The following PRPF6 variants were observed in gnomAD, a reference collection of about 807,000 sequenced individuals.
The protein encoded by PRPF6 is pre-mRNA-processing factor 6.
PRPF6 carries 42 observed loss-of-function variants against 118.3 expected under a neutral mutation model. That is an observed-to-expected ratio of 0.35 (90% confidence interval 0.28 to 0.46). PRPF6 has a LOEUF of 0.46. Among genes scored for constraint, PRPF6 ranks in the 20% least tolerant of loss-of-function variants. The probability of loss-of-function intolerance (pLI) is 1.00; values close to 1 mark genes in which losing one functional copy is unlikely to be tolerated. For missense variants in PRPF6, 662 were observed against 1,255.7 expected, an observed-to-expected ratio of 0.53 and a Z score of 7.15; for synonymous variants, 481 against 485.1, an observed-to-expected ratio of 0.99 and a Z score of 0.11.
intron 3 of PRPF6, among the ~76,000 whole-genome samples, chr20:63,993,006 A>G (rs962077624): frequency 2.6e-5 from 4 of 152,042 alleles, no homozygotes; most frequent in African/African-American, 9.7e-5. Flanking sequence ...TCACAAGGTC[A>G]GGAGTTCGAG....
In PRPF6 at chr20:64,011,597, T is replaced by TGG; in HGVS notation, c.1524+97_1524+98dup. ...AGGACTGGGGGTTGCTGGATGGTACTGGGGAGTCCTGTGCCAAACCAGAAG... is the reference window on the plus strand; with the variant it reads ...AGGACTGGGGGTTGCTGGATGGTACTGGGGGGAGTCCTGTGCCAAACCAGAAG... On this transcript the variant is annotated intron_variant, in intron 11 of 20. Coordinates refer to ENST00000266079, the MANE Select transcript of PRPF6 (RefSeq NM_012469.4). The surrounding 1 kb of genome is among the most constrained non-coding windows in gnomAD (Gnocchi z 6.7). 7.3e-7 allele frequency: 1 copy of TGG among 1,378,834 alleles called. No individual in the cohort carries two copies. Among genetic ancestry groups the TGG allele is most frequent in the Non-Finnish European group, 1.0e-6 (1 of 1,001,800 alleles). The allele number at this position is 1,378,834 out of a possible 1,614,324, so 85.4% of individuals were successfully genotyped here.
At chr20:63,995,935 G>C (rs1392031353) in intron 6 of PRPF6, among the ~76,000 whole-genome samples, 1 of 152,030 alleles carries the variant, frequency 6.6e-6, no homozygotes, top group South Asian at 2.1e-4. Context: ...GGGATTACAG[G>C]TGTGAGCCAC....
Position 64,028,683 on chromosome 20 carries a change from C to T in PRPF6, c.2431+114C>T, listed in dbSNP as rs1357407370. The stretch of plus-strand genomic sequence containing the variant: ...CCCAGACTCCGCAGGGCTGGCACTT[C>T]CTGAGGGAGTGGGGGCTCAGGCTTC... On this transcript the variant is annotated intron_variant, in intron 18 of 20. Transcript: ENST00000266079. This position sits in a 1 kb window ranked among gnomAD's most constrained non-coding sequence, Gnocchi z 6.5. 1 of 1,138,240 alleles carries T rather than the reference C, an allele frequency of 8.8e-7. No individual in the cohort carries two copies. Among genetic ancestry groups the T allele is most frequent in the Non-Finnish European group, 1.3e-6 (1 of 783,788 alleles). 70.5% of individuals were successfully genotyped at this position (1,138,240 alleles called of 1,614,324 possible). A position where few individuals can be genotyped will look rare whatever the true frequency, so the allele number is the denominator to read the frequency against.
At position 64,026,141 on chromosome 20, in the gene PRPF6, G is replaced by C; in HGVS notation, c.2028+83G>C. On this transcript the variant is annotated intron_variant, in intron 15 of 20. Transcript: ENST00000266079. This position sits in a 1 kb window ranked among gnomAD's most constrained non-coding sequence, Gnocchi z 4.4. ...CCCACGCCTGGCTTGGGTGGTGATG[G>C]GAGTGAGATGACGGCAGGCAAACGA... The C allele has an allele frequency of 1.9e-6, 3 of 1,583,770 alleles. No individual in the cohort carries two copies. Among genetic ancestry groups the C allele is most frequent in the Non-Finnish European group, 2.6e-6 (3 of 1,172,154 alleles).
intron 2 of PRPF6, 114 bp from the exon 3 acceptor site, chr20:63,984,793 C>A: frequency 1.3e-6 from 1 of 778,404 alleles, no homozygotes; most frequent in Non-Finnish European, 2.2e-6. Context: ...GATTTGGCTT[C>A]GTTGGCTGAA....
intron 12 of PRPF6, 32 bp downstream of exon 12, chr20:64,016,877 T>C (rs1441218132): frequency 6.2e-7 from 1 of 1,613,808 alleles, no homozygotes. Context: ...TTGTCCGTAA[T>C]ATGGAGTCTC....
Position 64,029,957 on chromosome 20 carries a change from GAC to G in PRPF6, c.2546+467_2546+468del, listed in dbSNP as rs1346499886. ...CTGGTGTGCTGGCCGCCGGGTCAGA[GAC>G]TCACTGGGGACGCGTGTGATTCACA... On this transcript the variant is annotated intron_variant, in intron 19 of 20. Coordinates refer to ENST00000266079, the MANE Select transcript of PRPF6 (RefSeq NM_012469.4). This position sits in a 1 kb window ranked among gnomAD's most constrained non-coding sequence, Gnocchi z 4.8. 2.0e-5 allele frequency among the ~76,000 whole-genome samples: 3 copies of G among 152,218 alleles called. No individual in the cohort carries two copies. Among genetic ancestry groups the G allele is most frequent in the Non-Finnish European group, 2.9e-5 (2 of 68,032 alleles).
intron 19 of PRPF6, among the ~76,000 whole-genome samples, chr20:64,030,429 C>T (rs546103808): frequency 6.6e-6 from 1 of 152,188 alleles, no homozygotes; most frequent in African/African-American, 2.4e-5. Flanking sequence ...TCTCTCCATC[C>T]CTTCTCCCCA....
chr20:64,002,946 AT>A (rs1226018197), intron 9 of PRPF6, among the ~76,000 whole-genome samples: 572 of 129,560 alleles, frequency 4.4e-3, no homozygotes, highest in Middle Eastern at 9.3e-3. Flanking sequence ...GCCCGGCCAG[AT>A]TTTTTTTTTT....
intron 4 of PRPF6, among the ~76,000 whole-genome samples, chr20:63,994,125 C>T (rs372612492): frequency 1.3e-5 from 2 of 151,184 alleles, no homozygotes; most frequent in East Asian, 3.9e-4. Context: ...TGAAGTTGAA[C>T]AGATCCAATA....
chr20:63,995,890 C>T (rs2059139241), intron 6 of PRPF6, among the ~76,000 whole-genome samples: 1 of 152,086 alleles, frequency 6.6e-6, no homozygotes, highest in Admixed American at 6.6e-5. Context: ...CTCCTGACCT[C>T]AGGTGATCTG....
chr20:63,986,314 T>A (rs531553381), intron 3 of PRPF6, among the ~76,000 whole-genome samples: 2 of 130,284 alleles, frequency 1.5e-5, no homozygotes, highest in African/African-American at 6.0e-5. Context: ...CACTGCACTC[T>A]AGCCTGGGAG....
In PRPF6 at chr20:64,003,526, G is replaced by A. The variant is rs543894519; in HGVS notation, c.1186+2287G>A. Among the ~76,000 whole-genome samples, 11 of 152,320 alleles carry A rather than the reference G, an allele frequency of 7.2e-5. 1 individual carries two copies. The East Asian group carries it at 1.3e-3, about 19-fold the overall frequency. On this transcript the variant is annotated intron_variant, in intron 9 of 20. Coordinates refer to ENST00000266079, the MANE Select transcript of PRPF6 (RefSeq NM_012469.4). Reference sequence around the variant, plus strand: ...CGACCCTGTGCACTCACATGTGAACGTGCTTTCCTCTGTCGAGGCTGGTTT... The same window carrying A: ...CGACCCTGTGCACTCACATGTGAACATGCTTTCCTCTGTCGAGGCTGGTTT...
intron 3 of PRPF6, among the ~76,000 whole-genome samples, chr20:63,988,458 C>G (rs1307166666): frequency 6.6e-6 from 1 of 151,586 alleles, no homozygotes; most frequent in Non-Finnish European, 1.5e-5. Flanking sequence ...GATTGCACCA[C>G]TGCACTCCAG....
intron 13 of PRPF6, among the ~76,000 whole-genome samples, chr20:64,023,765 G>A (rs981355545): frequency 3.9e-5 from 6 of 152,210 alleles, no homozygotes; most frequent in African/African-American, 9.7e-5. Flanking sequence ...AGAACAGGGC[G>A]GTGCCAGGTG....
At position 63,995,063 on chromosome 20, in the gene PRPF6, A is replaced by T. The variant is rs1352614589; in HGVS notation, c.586A>T (p.Asn196Tyr). 1.9e-6 allele frequency: 3 copies of T among 1,614,142 alleles called. No individual in the cohort carries two copies. Among genetic ancestry groups the T allele is most frequent in the Non-Finnish European group, 2.5e-6 (3 of 1,180,024 alleles). Residue 196 changes from asparagine to tyrosine, a missense_variant, in exon 5 of 21, where the codon AAC becomes TAC. Asn to Tyr is a moderately radical substitution (Grantham distance 143, BLOSUM62 -2). Transcript: ENST00000266079. ...TGCCAAACATTTACAGACCGGAGAGAACCATACCTCAGTGGATCCCCGACA... is the reference window on the plus strand; with the variant it reads ...TGCCAAACATTTACAGACCGGAGAGTACCATACCTCAGTGGATCCCCGACA... The part of the protein sequence containing the change: ...FFAKHLQTGE[N>Y]HTSVDPRQTQ...
rs2059291888 is a variant in PRPF6, at chr20:64,026,509, A to ACAG, written c.2028+453_2028+454insGCA. Among the ~76,000 whole-genome samples the ACAG allele has an allele frequency of 6.7e-6, 1 of 149,534 alleles. No individual in the cohort carries two copies. The highest frequency in any genetic ancestry group is 2.5e-5 in the African/African-American group (1 of 40,352). On this transcript the variant is annotated intron_variant, in intron 15 of 20. Coordinates refer to ENST00000266079, the MANE Select transcript of PRPF6 (RefSeq NM_012469.4). This position sits in a 1 kb window ranked among gnomAD's most constrained non-coding sequence, Gnocchi z 4.4. ...CAGCAAGAGGGAAACTGTCTCAGCA[A>ACAG]CAACAACAACAACAAACATGTTCAT... is the stretch of plus-strand genomic sequence containing the variant.
chr20:63,986,661 T>C (rs539000416), intron 3 of PRPF6, among the ~76,000 whole-genome samples: 3 of 151,572 alleles, frequency 2.0e-5, no homozygotes, highest in South Asian at 4.2e-4. Context: ...GCTAATTTTT[T>C]GTATTTTTAG....
In PRPF6 at chr20:63,995,554, CCTTCTT is replaced by C. The variant is rs147996986; in HGVS notation, c.771+81_771+86del. The C allele has an allele frequency of 4.0e-5, 62 of 1,556,458 alleles. No homozygotes were observed. The African/African-American group carries it at 7.6e-4, about 19-fold the overall frequency. ...TAATTTTGTTTTGTTTTCTTTTTCT[CCTTCTT>C]CTTCTTCTCCTTTTTCTTCTCCTCC... On this transcript the variant is annotated intron_variant, in intron 6 of 20. Coordinates refer to ENST00000266079, the MANE Select transcript of PRPF6 (RefSeq NM_012469.4).
Sources: allele counts gnomAD v4.1 joint callset (sites outside exome capture counted in the v4.1 genomes callset), GRCh38; gene constraint gnomAD v4.1.1; non-coding constraint Gnocchi (gnomAD v3.1); transcripts MANE v1.5; gene names NCBI Gene and HGNC (gene_info 2026-07-23, HGNC 2026-07-21).